The following EVA1C variants were observed in gnomAD, a reference collection of about 807,000 sequenced individuals.
EVA1C encodes the protein protein eva-1 homolog C.
A neutral mutation model predicts 45.4 loss-of-function variants in EVA1C; 25 were observed. The ratio of observed to expected loss-of-function variants is 0.55; its 90% CI spans 0.40 to 0.77. EVA1C has a LOEUF of 0.77. EVA1C is among the 30% of genes least tolerant of loss of function. EVA1C has a pLI of 0.00. For synonymous variants in EVA1C, 190 were observed against 221.2 expected (o/e 0.86, Z 1.25); for missense variants, 479 against 554.8 (o/e 0.86, Z 1.37).
chr21:32,448,973 AAG>A (rs1555856599), intron 1 of EVA1C, among the ~76,000 whole-genome samples: 4 of 148,186 alleles, frequency 2.7e-5, no homozygotes, highest in Middle Eastern at 3.5e-3. Flanking sequence ...AAGAAAAAGA[AAG>A]AAAGAAAGAG....
At chr21:32,423,738 G>A (rs1444700346) in intron 1 of EVA1C, among the ~76,000 whole-genome samples, 2 of 152,190 alleles carry the variant, frequency 1.3e-5, no homozygotes, top group African/African-American at 4.8e-5. Context: ...GTTAGAGAAT[G>A]AAATGATGCT....
chr21:32,458,356 C>T (rs770760725), intron 3 of EVA1C, among the ~76,000 whole-genome samples: 1 of 152,156 alleles, frequency 6.6e-6, no homozygotes, highest in Non-Finnish European at 1.5e-5. Flanking sequence ...GGGTGGGTCA[C>T]ACTTCCAGGA....
At chr21:32,455,807 C>T (rs1052841476) in intron 2 of EVA1C, among the ~76,000 whole-genome samples, 8 of 152,104 alleles carry the variant, frequency 5.3e-5, no homozygotes, top group Admixed American at 1.3e-4. Flanking sequence ...ACAGTTCTGA[C>T]GTTGTTGGGA....
intron 4 of EVA1C, among the ~76,000 whole-genome samples, chr21:32,471,618 G>A (rs936656983): frequency 2.0e-4 from 30 of 146,536 alleles, no homozygotes; most frequent in African/African-American, 7.1e-4. Flanking sequence ...GAGCCACTGC[G>A]CCCAGCCTCC....
At position 32,461,898 on chromosome 21, in the gene EVA1C, A is replaced by G. The variant is rs532526485; in HGVS notation, c.481+4178A>G. On this transcript the variant is annotated intron_variant, in intron 3 of 7. Coordinates refer to ENST00000300255, the MANE Select transcript of EVA1C (RefSeq NM_058187.5). ...CATATTCCTTTCTGCTGCATATCGT[A>G]TCTGCTGTGTGTTGGGCAGTGTAGG... 2.0e-5 allele frequency among the ~76,000 whole-genome samples: 3 copies of G among 152,194 alleles called. No individual in the cohort carries two copies. The South Asian group carries it at 6.2e-4, about 32-fold the overall frequency.
intron 1 of EVA1C, 33 bp downstream of exon 1, chr21:32,413,046 G>T: frequency 7.5e-7 from 1 of 1,339,826 alleles, no homozygotes. Context: ...TGTGCCCCCG[G>T]CACCGCGGAG....
At chr21:32,481,456 C>A (rs376436441) in intron 4 of EVA1C, among the ~76,000 whole-genome samples, 5 of 103,418 alleles carry the variant, frequency 4.8e-5, no homozygotes, top group African/African-American at 7.8e-5. Flanking sequence ...CCAAATAAAA[C>A]AAAGCTCTTA....
chr21:32,443,925 C>T (rs1299941940), intron 1 of EVA1C, among the ~76,000 whole-genome samples: 7 of 152,008 alleles, frequency 4.6e-5, no homozygotes, highest in Non-Finnish European at 1.0e-4. Context: ...CATGGGTGAC[C>T]ATACGACCAT....
At chr21:32,436,640 CTCTTGGT>C (rs2034963681) in intron 1 of EVA1C, among the ~76,000 whole-genome samples, 1 of 152,210 alleles carries the variant, frequency 6.6e-6, no homozygotes, top group East Asian at 1.9e-4. Flanking sequence ...AAAGTGCAAC[CTCTTGGT>C]GCTGTCAGCA....
At chr21:32,467,598 G>A in intron 3 of EVA1C, 98 bp from the exon 4 acceptor site, 3 of 1,263,586 alleles carry the variant, frequency 2.4e-6, no homozygotes, top group African/African-American at 1.5e-5. Context: ...CCTTCTCAGG[G>A]TGCAGCCCCG....
chr21:32,466,313 G>A (rs1010654315), intron 3 of EVA1C, among the ~76,000 whole-genome samples: 2 of 151,798 alleles, frequency 1.3e-5, no homozygotes, highest in African/African-American at 4.8e-5. Flanking sequence ...CAGCTACTTG[G>A]GAGGCTGAGG....
intron 5 of EVA1C, 86 bp downstream of exon 5, chr21:32,495,256 C>T (rs188306431): frequency 6.3e-6 from 9 of 1,436,070 alleles, no homozygotes; most frequent in Admixed American, 1.9e-5. Context: ...GGAGTTTGCC[C>T]AGAACAAGCC....
At chr21:32,507,772 GTATGTGTATCTCTGTGCA>G (rs996090935) in intron 7 of EVA1C, among the ~76,000 whole-genome samples, 5 of 151,186 alleles carry the variant, frequency 3.3e-5, no homozygotes, top group South Asian at 2.1e-4. Flanking sequence ...GTGTGTGCAT[GTATGTGTATCTCTGTGCA>G]TATGTGTATC....
intron 1 of EVA1C, among the ~76,000 whole-genome samples, chr21:32,435,924 T>TA (rs1172185006): frequency 2.6e-5 from 4 of 152,300 alleles, no homozygotes; most frequent in Non-Finnish European, 5.9e-5. Flanking sequence ...ATGCCAGATT[T>TA]AAATAGGAAC....
intron 1 of EVA1C, among the ~76,000 whole-genome samples, chr21:32,444,676 A>G (rs2035303838): frequency 6.6e-6 from 1 of 152,182 alleles, no homozygotes. Flanking sequence ...TTAGTGACCA[A>G]TATAACCTTC....
intron 1 of EVA1C, among the ~76,000 whole-genome samples, chr21:32,446,648 G>A (rs1368084616): frequency 6.6e-6 from 1 of 152,144 alleles, no homozygotes; most frequent in Non-Finnish European, 1.5e-5. Flanking sequence ...TGTGAGATTG[G>A]GAGCAGCTCA....
At chr21:32,498,403 C>T (rs1003606092) in intron 5 of EVA1C, among the ~76,000 whole-genome samples, 2 of 147,312 alleles carry the variant, frequency 1.4e-5, no homozygotes, top group South Asian at 2.1e-4. Flanking sequence ...GCTGAGATCT[C>T]GTCACTGCTT....
intron 2 of EVA1C, among the ~76,000 whole-genome samples, chr21:32,454,908 G>C (rs1035467727): frequency 6.6e-6 from 1 of 152,174 alleles, no homozygotes; most frequent in Non-Finnish European, 1.5e-5. Context: ...CACCAATTGA[G>C]TAGCCAAAAT....
At chr21:32,465,028 T>G (rs2036126014) in intron 3 of EVA1C, among the ~76,000 whole-genome samples, 1 of 152,204 alleles carries the variant, frequency 6.6e-6, no homozygotes, top group Admixed American at 6.5e-5. Context: ...TTTCACTTTT[T>G]GGCCCAGTGG....
Sources: gnomAD v4.1 joint callset for allele counts (sites outside exome capture counted in the v4.1 genomes callset) on GRCh38, gnomAD v4.1.1 for gene constraint, MANE v1.5 for transcripts, NCBI Gene and HGNC (gene_info 2026-07-23, HGNC 2026-07-21) for gene names.